Variants in CLCC1 observed in about 807,000 individuals in gnomAD.
The protein encoded by CLCC1 is chloride channel CLIC like 1.
A neutral mutation model predicts 63.3 loss-of-function variants in CLCC1; 39 were observed. The observed-to-expected ratio is 0.62, with a 90% CI of 0.48 to 0.81. CLCC1 has a LOEUF of 0.81. Ranked by LOEUF, CLCC1 falls within the 30% of genes least tolerant of loss-of-function variation. The pLI, the probability that CLCC1 is intolerant of heterozygous loss-of-function variation, is 0.00. For missense variants in CLCC1, 549 were observed against 669.4 expected (o/e 0.82, Z 1.98); for synonymous variants, 217 against 239.8 (o/e 0.90, Z 0.88).
At chr1:108,959,470 AG>A (rs1459527642) in intron 2 of CLCC1, among the ~76,000 whole-genome samples, 4 of 152,200 alleles carry the variant, frequency 2.6e-5, no homozygotes, top group African/African-American at 9.7e-5. Context: ...AATTCATGCT[AG>A]TTTTGCTGTC....
At chr1:108,951,338 C>T (rs1436755120) in intron 2 of CLCC1, among the ~76,000 whole-genome samples, 5 of 152,202 alleles carry the variant, frequency 3.3e-5, no homozygotes, top group Non-Finnish European at 7.3e-5. Flanking sequence ...GCCAAGATCA[C>T]ACCACTGCAC....
chr1:108,930,241 G>C lies in CLCC1; in HGVS notation c.*2306C>G. 1 of 292,442 alleles carries C rather than the reference G, an allele frequency of 3.4e-6. No homozygotes were observed. The highest frequency in any genetic ancestry group is 6.3e-6 in the Non-Finnish European group (1 of 157,648). 18.1% of individuals were successfully genotyped at this position (292,442 alleles called of 1,614,324 possible). ...AAAGTAGGAAGTTAAGTGAATCATA[G>C]ATTAGAATTTAATACTCTTATGGAA... On this transcript the variant is annotated 3_prime_UTR_variant, in exon 13 of 13. Transcript: ENST00000369969.
At chr1:108,950,815 AGATT>A (rs1655091627) in intron 2 of CLCC1, among the ~76,000 whole-genome samples, 1 of 152,170 alleles carries the variant, frequency 6.6e-6, no homozygotes, top group Non-Finnish European at 1.5e-5. Context: ...GCACCCAGCC[AGATT>A]GTTTTGTAAT....
chr1:108,953,960 A>G (rs993604766), intron 2 of CLCC1, among the ~76,000 whole-genome samples: 10 of 148,678 alleles, frequency 6.7e-5, no homozygotes, highest in Non-Finnish European at 1.2e-4. Flanking sequence ...CAGTGAGCCA[A>G]GATCATGCCA....
At chr1:108,953,255 G>A (rs1028982857) in intron 2 of CLCC1, among the ~76,000 whole-genome samples, 1 of 152,164 alleles carries the variant, frequency 6.6e-6, no homozygotes, top group Non-Finnish European at 1.5e-5. Context: ...TGTTCCCCAT[G>A]TGCCCTGTAT....
chr1:108,954,159 C>T (rs923085796), intron 2 of CLCC1, among the ~76,000 whole-genome samples: 1 of 150,942 alleles, frequency 6.6e-6, no homozygotes, highest in Non-Finnish European at 1.5e-5. Context: ...ATTGCAATTG[C>T]GAGGATGGAT....
chr1:108,931,228 G>A lies in CLCC1; in HGVS notation c.*1319C>T, dbSNP rs1359337205. Reference sequence around the variant, plus strand: ...AGGACACATAAACAAACAGAAAACAGATGAAAACTCACAAAAATTAAATAT... The same window carrying A: ...AGGACACATAAACAAACAGAAAACAAATGAAAACTCACAAAAATTAAATAT... On this transcript the variant is annotated 3_prime_UTR_variant, in exon 13 of 13. Transcript: ENST00000369969. 7.4e-7 allele frequency: 1 copy of A among 1,359,736 alleles called. No homozygotes were observed. The highest frequency in any genetic ancestry group is 2.5e-5 in the East Asian group (1 of 39,450). 84.2% of individuals were successfully genotyped at this position (1,359,736 alleles called of 1,614,324 possible).
chr1:108,944,291 G>A (rs542693029), intron 5 of CLCC1, among the ~76,000 whole-genome samples: 4 of 152,192 alleles, frequency 2.6e-5, no homozygotes, highest in Admixed American at 1.3e-4. Context: ...GCAACAAAGC[G>A]AGACCCCATC....
At chr1:108,948,994 A>G (rs1386463028) in intron 4 of CLCC1, among the ~76,000 whole-genome samples, 2 of 152,174 alleles carry the variant, frequency 1.3e-5, no homozygotes, top group African/African-American at 4.8e-5. Flanking sequence ...ATCTCAGTGA[A>G]CAAACTCTCC....
Position 108,949,827 on chromosome 1 carries a change from G to C in CLCC1, c.224C>G (p.Thr75Ser), listed in dbSNP as rs753865700. Residue 75 changes from threonine to serine, a missense_variant, in exon 4 of 13, where the codon ACT (threonine) becomes AGT (serine). Physicochemically the swap from Thr to Ser is moderately conservative, Grantham distance 58 (BLOSUM62 1). Coordinates refer to ENST00000369969, the MANE Select transcript of CLCC1 (RefSeq NM_001377458.1). ...ATCAATAAAAAAACTAACCTTATAA[G>C]TTAAAGAATCAAGTTTGTGATAACA... ...SECYHKLDSLTYKIDECEKKK... is the reference protein window; with the variant it reads ...SECYHKLDSLSYKIDECEKKK... 10 of 1,552,664 alleles carry C rather than the reference G, an allele frequency of 6.4e-6. No homozygotes were observed. Among genetic ancestry groups the C allele is most frequent in the Non-Finnish European group, 8.7e-6 (10 of 1,144,360 alleles).
At position 108,941,308 on chromosome 1, in the gene CLCC1, T is replaced by C; in HGVS notation, c.796+97A>G. ...TCTTCTGATATTAAAGATTCAGTCA[T>C]GGAAAGCCTCCTGTTATTTTATCAT... is the stretch of plus-strand genomic sequence containing the variant. On this transcript the variant is annotated intron_variant, in intron 8 of 12. Coordinates refer to ENST00000369969, the MANE Select transcript of CLCC1 (RefSeq NM_001377458.1). 8.1e-6 allele frequency: 9 copies of C among 1,109,774 alleles called. No individual in the cohort carries two copies. The South Asian group carries it at 1.3e-4, about 16-fold the overall frequency. 68.7% of individuals were successfully genotyped at this position (1,109,774 alleles called of 1,614,324 possible).
Position 108,950,352 on chromosome 1 carries a change from A to G in CLCC1, c.86T>C (p.Met29Thr). The G allele has an allele frequency of 6.2e-7, 1 of 1,613,314 alleles. No homozygotes were observed. Among genetic ancestry groups the G allele is most frequent in the Non-Finnish European group, 8.5e-7 (1 of 1,179,598 alleles). ...TCCTGAAGCAGCATCATAGTTAAGC[A>G]TGTCTGTGGGGTCAATCCAGTCATC... ...HDDDWIDPTD[M>T]LNYDAASGTM... Residue 29 changes from methionine (M) to threonine (T), a missense_variant, in exon 3 of 13, where the codon ATG becomes ACG. Met to Thr is a moderately conservative substitution (Grantham distance 81). Coordinates refer to ENST00000369969, the MANE Select transcript of CLCC1 (RefSeq NM_001377458.1).
At chr1:108,939,018 G>A (rs1021319076) in intron 10 of CLCC1, among the ~76,000 whole-genome samples, 5 of 151,690 alleles carry the variant, frequency 3.3e-5, no homozygotes, top group African/African-American at 9.7e-5. Flanking sequence ...CTCATTAAGC[G>A]TGACTTAGCC....
At chr1:108,953,564 A>C (rs997426401) in intron 2 of CLCC1, among the ~76,000 whole-genome samples, 5 of 152,156 alleles carry the variant, frequency 3.3e-5, no homozygotes, top group Non-Finnish European at 7.4e-5. Context: ...TCACCTTCCC[A>C]CTGGCCTCTC....
rs946009776 is a variant in CLCC1 at position 108,963,360 on chromosome 1, C to T, written c.-173+1G>A. 1.4e-6 allele frequency: 1 copy of T among 702,328 alleles called. No homozygotes were observed. The highest frequency in any genetic ancestry group is 2.0e-5 in the Admixed American group (1 of 50,016). The allele number at this position is 702,328 out of a possible 1,614,324, so 43.5% of individuals were successfully genotyped here. ...CAACACACCCAACTGCACGGACTCACGTCCGGGATCCCCTGCCTGCCTCTC... is the reference window on the plus strand; with the variant it reads ...CAACACACCCAACTGCACGGACTCATGTCCGGGATCCCCTGCCTGCCTCTC... On this transcript the variant is annotated splice_donor_variant, in intron 1 of 12. Transcript: ENST00000369969. LOFTEE classifies it low-confidence loss of function (5UTR_SPLICE).
Position 108,931,301 on chromosome 1 carries a change from T to C in CLCC1, c.*1246A>G, listed in dbSNP as rs1651908656. 11 of 1,539,734 alleles carry C rather than the reference T, an allele frequency of 7.1e-6. No individual in the cohort carries two copies. In the East Asian group the frequency reaches 2.7e-4, roughly 38 times the overall value. ...CCTTAGTTGTCATTAAGCTTTGTCTTCCTTATCCCAGATATTGAAGGCAGT... is the reference window on the plus strand; with the variant it reads ...CCTTAGTTGTCATTAAGCTTTGTCTCCCTTATCCCAGATATTGAAGGCAGT... On this transcript the variant is annotated 3_prime_UTR_variant, in exon 13 of 13. Coordinates refer to ENST00000369969, the MANE Select transcript of CLCC1 (RefSeq NM_001377458.1).
chr1:108,945,876 T>C (rs952250194), intron 5 of CLCC1, among the ~76,000 whole-genome samples: 10 of 152,172 alleles, frequency 6.6e-5, no homozygotes, highest in African/African-American at 1.7e-4. Flanking sequence ...AAACAGTAAA[T>C]ACAAGGTGGG....
intron 2 of CLCC1, among the ~76,000 whole-genome samples, 165 bp downstream of exon 2, chr1:108,962,144 G>C (rs1656737168): frequency 6.6e-6 from 1 of 152,236 alleles, no homozygotes; most frequent in Non-Finnish European, 1.5e-5. Flanking sequence ...CATCTCCACA[G>C]AGCGGGAAAT....
intron 2 of CLCC1, among the ~76,000 whole-genome samples, chr1:108,954,886 G>A (rs1347624511): frequency 6.7e-6 from 1 of 149,988 alleles, no homozygotes; most frequent in Non-Finnish European, 1.5e-5. Context: ...AGGCTGGAGT[G>A]CAATGGCACG....
Sources: gnomAD v4.1 joint callset for allele counts (sites outside exome capture counted in the v4.1 genomes callset) on GRCh38, gnomAD v4.1.1 for gene constraint, MANE v1.5 for transcripts, NCBI Gene and HGNC (gene_info 2026-07-23, HGNC 2026-07-21) for gene names.